Variants in DAP observed in about 807,000 individuals in gnomAD.
DAP encodes the protein death-associated protein 1.
A neutral mutation model predicts 13.8 loss-of-function variants in DAP; 8 were observed. That is an observed-to-expected ratio of 0.58 (90% confidence interval 0.34 to 1.05). The LOEUF is 1.05. Among genes scored for constraint, DAP ranks in the 50% least tolerant of loss-of-function variants. The probability of loss-of-function intolerance (pLI) is 0.03; values close to 1 mark genes in which losing one functional copy is unlikely to be tolerated. For synonymous variants in DAP, 47 were observed against 47.5 expected (o/e 0.99, Z 0.04); for missense variants, 106 against 133.2 (o/e 0.80, Z 1.01).
At chr5:10,694,224 C>A (rs367922424) in intron 2 of DAP, among the ~76,000 whole-genome samples, 1 of 152,270 alleles carries the variant, frequency 6.6e-6, no homozygotes, top group Non-Finnish European at 1.5e-5. Context: ...CAAATGGACA[C>A]CATGAGTGTG....
At chr5:10,727,263 C>T (rs935206139) in intron 2 of DAP, among the ~76,000 whole-genome samples, 2 of 152,134 alleles carry the variant, frequency 1.3e-5, no homozygotes, top group East Asian at 3.8e-4. Flanking sequence ...GCCACTGCCC[C>T]GGGGGAGCTT....
At chr5:10,709,558 G>A (rs992706732) in intron 2 of DAP, among the ~76,000 whole-genome samples, 1 of 152,234 alleles carries the variant, frequency 6.6e-6, no homozygotes, top group Non-Finnish European at 1.5e-5. Context: ...GGTCAGATGG[G>A]TTTGGCAAAT....
At position 10,731,223 on chromosome 5, in the gene DAP, G is replaced by A. The variant is rs1474528756; in HGVS notation, c.152+16952C>T. Among the ~76,000 whole-genome samples the A allele has an allele frequency of 2.2e-5, 3 of 135,998 alleles. No individual in the cohort carries two copies. The South Asian group carries it at 8.7e-4, about 40-fold the overall frequency. 89.2% of individuals were successfully genotyped at this position (135,998 alleles called of 152,430 possible). A position where few individuals can be genotyped will look rare whatever the true frequency, so the allele number is the denominator to read the frequency against. ...TGGGGGGAATCTTTCTCTATTGAGA[G>A]CCCTAGTGGGGGGGAATCTTTCTGT... On this transcript the variant is annotated intron_variant, in intron 2 of 3. Coordinates refer to ENST00000230895, the MANE Select transcript of DAP (RefSeq NM_004394.3).
chr5:10,722,577 CATATAT>C (rs1207672031), intron 2 of DAP, among the ~76,000 whole-genome samples: 1 of 144,384 alleles, frequency 6.9e-6, no homozygotes, highest in Admixed American at 6.9e-5. Context: ...TACATACATA[CATATAT>C]ATACATATAT....
intron 2 of DAP, among the ~76,000 whole-genome samples, chr5:10,719,091 A>T (rs747087773): frequency 6.6e-6 from 1 of 152,250 alleles, no homozygotes; most frequent in Non-Finnish European, 1.5e-5. Context: ...CTAAGGGTCC[A>T]GTGGTGTACA....
intron 2 of DAP, among the ~76,000 whole-genome samples, chr5:10,699,076 C>T (rs2118708): frequency 0.013 from 1,924 of 152,294 alleles, 38 homozygotes; most frequent in African/African-American, 0.04. Flanking sequence ...GACCCCTAGT[C>T]GGCAAATGGC....
chr5:10,742,193 T>C (rs908895052), intron 2 of DAP, among the ~76,000 whole-genome samples: 6 of 152,240 alleles, frequency 3.9e-5, no homozygotes, highest in Non-Finnish European at 8.8e-5. Context: ...TTCAATTATT[T>C]ATGTCAGTAT....
chr5:10,727,192 T>C (rs1042709482), intron 2 of DAP, among the ~76,000 whole-genome samples: 3 of 152,186 alleles, frequency 2.0e-5, no homozygotes, highest in Non-Finnish European at 2.9e-5. Flanking sequence ...AGGAACTGTC[T>C]CTCAATGTGC....
At chr5:10,696,247 C>G (rs1011402793) in intron 2 of DAP, among the ~76,000 whole-genome samples, 1 of 152,166 alleles carries the variant, frequency 6.6e-6, no homozygotes, top group African/African-American at 2.4e-5. Context: ...CACTGAGAGT[C>G]TCAAAATTCA....
intron 2 of DAP, among the ~76,000 whole-genome samples, chr5:10,712,886 C>A (rs1386010833): frequency 6.6e-6 from 1 of 152,112 alleles, no homozygotes; most frequent in East Asian, 1.9e-4. Context: ...CTGAATGGAA[C>A]CTCAAGATAT....
intron 2 of DAP, among the ~76,000 whole-genome samples, chr5:10,746,281 A>G (rs1739902498): frequency 6.6e-6 from 1 of 151,876 alleles, no homozygotes; most frequent in South Asian, 2.1e-4. Context: ...CGTTCCAAAC[A>G]TAGCTTTGTG....
rs766096172 is a variant in DAP at position 10,688,664 on chromosome 5, C to G, written c.153-5093G>C. ...GTACGTGTGTATTTATAAAGATTGACACACACACACAACTACTGTCCCATC... is the reference window on the plus strand; with the variant it reads ...GTACGTGTGTATTTATAAAGATTGAGACACACACACAACTACTGTCCCATC... On this transcript the variant is annotated intron_variant, in intron 2 of 3. Coordinates refer to ENST00000230895, the MANE Select transcript of DAP (RefSeq NM_004394.3). Among the ~76,000 whole-genome samples, 37 of 151,700 alleles carry G rather than the reference C, an allele frequency of 2.4e-4. 1 individual carries two copies. The highest frequency in any genetic ancestry group is 1.0e-3 in the South Asian group (5 of 4,826).
chr5:10,758,947 A>C (rs1487950041), intron 1 of DAP, among the ~76,000 whole-genome samples: 1 of 152,170 alleles, frequency 6.6e-6, no homozygotes, highest in Non-Finnish European at 1.5e-5. Context: ...GGCACTTTGG[A>C]AGGCTGAGGT....
At chr5:10,702,482 TG>T (rs1423533361) in intron 2 of DAP, among the ~76,000 whole-genome samples, 1 of 152,186 alleles carries the variant, frequency 6.6e-6, no homozygotes, top group African/African-American at 2.4e-5. Flanking sequence ...CCCAAGCAAA[TG>T]GGCCCTTCCT....
At chr5:10,727,848 T>C (rs1238952325) in intron 2 of DAP, among the ~76,000 whole-genome samples, 3 of 152,260 alleles carry the variant, frequency 2.0e-5, no homozygotes, top group Non-Finnish European at 4.4e-5. Flanking sequence ...AGTATGTGCA[T>C]ATAACCTTCA....
intron 2 of DAP, among the ~76,000 whole-genome samples, chr5:10,695,309 A>T (rs1738415089): frequency 6.6e-6 from 1 of 152,236 alleles, no homozygotes; most frequent in Non-Finnish European, 1.5e-5. Flanking sequence ...GAAGCCGGCC[A>T]GGCACTGCGG....
intron 2 of DAP, among the ~76,000 whole-genome samples, chr5:10,688,447 G>A (rs559499330): frequency 6.6e-6 from 1 of 152,300 alleles, no homozygotes; most frequent in South Asian, 2.1e-4. Context: ...ATAGGCTACA[G>A]TGGAGGGTAA....
intron 2 of DAP, among the ~76,000 whole-genome samples, chr5:10,719,903 T>G (rs1561021037): frequency 6.6e-6 from 1 of 152,096 alleles, no homozygotes; most frequent in East Asian, 1.9e-4. Flanking sequence ...CACCCAAAAG[T>G]AGACAGCTGC....
At chr5:10,688,312 T>C (rs62337566) in intron 2 of DAP, among the ~76,000 whole-genome samples, 13,535 of 152,176 alleles carry the variant, frequency 0.089, 843 homozygotes, top group African/African-American at 0.17. Flanking sequence ...CAAGACCCTC[T>C]ACCAACAAAA....
Sources: gnomAD v4.1 joint callset for allele counts (sites outside exome capture counted in the v4.1 genomes callset) on GRCh38, gnomAD v4.1.1 for gene constraint, MANE v1.5 for transcripts, NCBI Gene and HGNC (gene_info 2026-07-23, HGNC 2026-07-21) for gene names.